The following PCDHGB1 variants were observed in gnomAD, a reference collection of about 807,000 sequenced individuals.
PCDHGB1 encodes protocadherin gamma-B1.
PCDHGB1 carries 34 observed loss-of-function variants against 56.6 expected under a neutral mutation model. The observed-to-expected ratio is 0.60, with a 90% CI of 0.46 to 0.80. The LOEUF is 0.80. Ranked by LOEUF, PCDHGB1 falls within the 30% of genes least tolerant of loss-of-function variation. PCDHGB1 has a pLI of 0.00. For synonymous variants in PCDHGB1, 561 were observed against 505.9 expected (o/e 1.11, Z -1.46); for missense variants, 1,278 against 1,204.6 (o/e 1.06, Z -0.90).
Position 141,511,378 on chromosome 5 carries a change from T to C in PCDHGB1, c.*205T>C. 1 of 1,202,114 alleles carries C rather than the reference T, an allele frequency of 8.3e-7. No homozygotes were observed. The highest frequency in any genetic ancestry group is 1.1e-6 in the Non-Finnish European group (1 of 882,194). The allele number at this position is 1,202,114 out of a possible 1,614,324, so 74.5% of individuals were successfully genotyped here. A position where few individuals can be genotyped will look rare whatever the true frequency, so the allele number is the denominator to read the frequency against. On this transcript the variant is annotated 3_prime_UTR_variant, in exon 4 of 4. Coordinates refer to ENST00000523390, the MANE Select transcript of PCDHGB1 (RefSeq NM_018922.3). ...AGGGGGTTGAATATGCAAAAGCAGT[T>C]CCGCTGGGAACCCCCATCCAATCAA...
intron 1 of PCDHGB1, chr5:141,413,063 T>G: frequency 1.8e-6 from 2 of 1,142,610 alleles, no homozygotes; most frequent in East Asian, 5.1e-5. Context: ...CACTCCAGAA[T>G]TTAAAGTGCC....
At chr5:141,447,370 C>A (rs2098536615) in intron 1 of PCDHGB1, among the ~76,000 whole-genome samples, 1 of 151,612 alleles carries the variant, frequency 6.6e-6, no homozygotes, top group African/African-American at 2.4e-5. Context: ...AACTCCTGAC[C>A]CTGGTGATCT....
intron 1 of PCDHGB1, among the ~76,000 whole-genome samples, chr5:141,481,223 A>C (rs935737972): frequency 3.3e-5 from 5 of 152,242 alleles, no homozygotes; most frequent in Non-Finnish European, 7.3e-5. Context: ...AAGGTCTCCC[A>C]GCCTTAAAGT....
intron 1 of PCDHGB1, chr5:141,399,220 A>T: frequency 6.2e-7 from 1 of 1,613,966 alleles, no homozygotes; most frequent in East Asian, 2.2e-5. Flanking sequence ...AATTGCTTTG[A>T]TCAAAATACA....
chr5:141,460,075 C>T (rs2098981644), intron 1 of PCDHGB1, among the ~76,000 whole-genome samples: 2 of 151,896 alleles, frequency 1.3e-5, no homozygotes, highest in East Asian at 1.9e-4. Context: ...GAGACTTCAT[C>T]TAAAAAATAA....
chr5:141,383,179 G>C, intron 1 of PCDHGB1: 1 of 1,614,124 alleles, frequency 6.2e-7, no homozygotes, highest in Non-Finnish European at 8.5e-7. Context: ...AGACCGGGAA[G>C]AGATCTGCGC....
chr5:141,376,273 T>C (rs765392169), intron 1 of PCDHGB1: 25 of 1,613,968 alleles, frequency 1.5e-5, no homozygotes, highest in Non-Finnish European at 1.9e-5. Context: ...CTTCGGGAGG[T>C]GGCTTAGCGA....
rs944974638 is a variant in PCDHGB1, at chr5:141,393,886, A to C, written c.2409+41217A>C. 3.7e-6 allele frequency: 6 copies of C among 1,614,034 alleles called. No individual in the cohort carries two copies. In the East Asian group the frequency reaches 1.3e-4, roughly 36 times the overall value. On this transcript the variant is annotated intron_variant, in intron 1 of 3. Coordinates refer to ENST00000523390, the MANE Select transcript of PCDHGB1 (RefSeq NM_018922.3). ...ACGTCTTTGTTTAGCCCAGTGTTAG[A>C]AAATTCTCTTCCCGGGACAGTAATT...
intron 1 of PCDHGB1, among the ~76,000 whole-genome samples, chr5:141,448,877 G>A (rs1421211206): frequency 6.6e-6 from 1 of 152,112 alleles, no homozygotes; most frequent in African/African-American, 2.4e-5. Flanking sequence ...CCTGGGAGGC[G>A]GAGCTTGCAG....
intron 1 of PCDHGB1, chr5:141,356,869 GA>G: frequency 6.2e-7 from 1 of 1,614,182 alleles, no homozygotes; most frequent in Non-Finnish European, 8.5e-7. Context: ...GGACCAGAAC[GA>G]CAATGTCCCT....
rs750928530 is a variant in PCDHGB1 at position 141,490,174 on chromosome 5, G to T, written c.2410-4633G>T. 1 of 1,614,056 alleles carries T rather than the reference G, an allele frequency of 6.2e-7. No individual in the cohort carries two copies. Among genetic ancestry groups the T allele is most frequent in the South Asian group, 1.1e-5 (1 of 91,086 alleles). ...TGTGTTGGGTCCCATAGACTTTGAG[G>T]AGTCACGTTTCTATGAAATTCATGC... On this transcript the variant is annotated intron_variant, in intron 1 of 3. Transcript: ENST00000523390. This position sits in a 1 kb window ranked among gnomAD's most constrained non-coding sequence, Gnocchi z 5.4.
In PCDHGB1 at chr5:141,505,466, T is replaced by C. The variant is rs763151131; in HGVS notation, c.2542T>C (p.Leu848=). 1 of 1,614,200 alleles carries C rather than the reference T, an allele frequency of 6.2e-7. No individual in the cohort carries two copies. The highest frequency in any genetic ancestry group is 1.3e-5 in the African/African-American group (1 of 75,068). The part of the protein sequence containing the change: ...FDTEMLQAMI[L]ASASEAADGS... Reference sequence around the variant, plus strand: ...CACAGAGATGCTGCAAGCCATGATCTTGGCGTCCGCCAGTGGTAAGTGGTG... The same window carrying C: ...CACAGAGATGCTGCAAGCCATGATCCTGGCGTCCGCCAGTGGTAAGTGGTG... The change falls in exon 3 of 4, where the codon TTG becomes CTG. Residue 848 remains leucine, a synonymous_variant. Transcript: ENST00000523390.
intron 1 of PCDHGB1, chr5:141,421,032 C>A: frequency 1.9e-6 from 1 of 533,288 alleles, no homozygotes; most frequent in Non-Finnish European, 3.3e-6. Flanking sequence ...GCCATTGAGT[C>A]CCTCCCTCCC....
In PCDHGB1 at chr5:141,409,316, C is replaced by T. The variant is rs114361948; in HGVS notation, c.2409+56647C>T. 56 of 1,613,968 alleles carry T rather than the reference C, an allele frequency of 3.5e-5. No individual in the cohort carries two copies. The African/African-American group carries it at 6.5e-4, about 19-fold the overall frequency. On this transcript the variant is annotated intron_variant, in intron 1 of 3. Transcript: ENST00000523390. ...AATGGTTGTTGCCCTCTTCAAAACA[C>T]GGGATCTGGATTTCGGAGGAAATGG...
At position 141,351,146 on chromosome 5, in the gene PCDHGB1, G is replaced by T; in HGVS notation, c.886G>T (p.Asp296Tyr). The T allele has an allele frequency of 6.2e-7, 1 of 1,613,958 alleles. No individual in the cohort carries two copies. Among genetic ancestry groups the T allele is most frequent in the South Asian group, 1.1e-5 (1 of 91,086 alleles). ...CTTCAATCTCAATCCAAATACTGGC[G>T]ACATCACAACCAATGGCACATTGGA... ...SLFNLNPNTG[D>Y]ITTNGTLDFE... Residue 296 changes from aspartate (D) to tyrosine (Y), a missense_variant, in exon 1 of 4, where the codon GAC becomes TAC. Transcript: ENST00000523390.
In PCDHGB1 at chr5:141,491,665, C is replaced by A; in HGVS notation, c.2410-3142C>A. 1 of 1,613,764 alleles carries A rather than the reference C, an allele frequency of 6.2e-7. No individual in the cohort carries two copies. Among genetic ancestry groups the A allele is most frequent in the Admixed American group, 1.7e-5 (1 of 60,034 alleles). On this transcript the variant is annotated intron_variant, in intron 1 of 3. Coordinates refer to ENST00000523390, the MANE Select transcript of PCDHGB1 (RefSeq NM_018922.3). The surrounding 1 kb of genome is among the most constrained non-coding windows in gnomAD (Gnocchi z 6.9). ...TCTGGCGCTGGAGCCTGACGCCATCCGGTCCCGCTCTAATACGCTGCGGGA... is the reference window on the plus strand; with the variant it reads ...TCTGGCGCTGGAGCCTGACGCCATCAGGTCCCGCTCTAATACGCTGCGGGA...
intron 1 of PCDHGB1, chr5:141,419,543 G>A (rs573594140): frequency 2.5e-5 from 40 of 1,612,106 alleles, no homozygotes; most frequent in African/African-American, 2.0e-4. Context: ...CGCACCGCGG[G>A]TGCTGTACCC....
rs758266181 is a variant in PCDHGB1 at position 141,476,561 on chromosome 5, G to A, written c.2410-18246G>A. 1.9e-6 allele frequency: 3 copies of A among 1,614,100 alleles called. No homozygotes were observed. The highest frequency in any genetic ancestry group is 2.5e-6 in the Non-Finnish European group (3 of 1,180,050). Reference sequence around the variant, plus strand: ...GAAATTGGAGATTAGCGAGGCCGTGGCTCCGGGGACGCGCTTTCCGCTCGA... The same window carrying A: ...GAAATTGGAGATTAGCGAGGCCGTGACTCCGGGGACGCGCTTTCCGCTCGA... On this transcript the variant is annotated intron_variant, in intron 1 of 3. Coordinates refer to ENST00000523390, the MANE Select transcript of PCDHGB1 (RefSeq NM_018922.3). This position sits in a 1 kb window ranked among gnomAD's most constrained non-coding sequence, Gnocchi z 7.6.
At chr5:141,473,944 CTGTA>C (rs2099333270) in intron 1 of PCDHGB1, among the ~76,000 whole-genome samples, 2 of 152,156 alleles carry the variant, frequency 1.3e-5, no homozygotes, top group Non-Finnish European at 2.9e-5. Context: ...TAGCTCAGGC[CTGTA>C]GTCCCATCTA....
Sources: allele counts gnomAD v4.1 joint callset (sites outside exome capture counted in the v4.1 genomes callset), GRCh38; gene constraint gnomAD v4.1.1; non-coding constraint Gnocchi (gnomAD v3.1); transcripts MANE v1.5; gene names NCBI Gene and HGNC (gene_info 2026-07-23, HGNC 2026-07-21).